The following WDR36 variants were observed in gnomAD, a reference collection of about 807,000 sequenced individuals.
The protein encoded by WDR36 is WD repeat domain 36.
Under a neutral mutation model 112.7 loss-of-function variants are expected in WDR36, and 63 were observed. The ratio of observed to expected loss-of-function variants is 0.56; its 90% CI spans 0.46 to 0.69. The LOEUF is 0.69. WDR36 is among the 30% of genes least tolerant of loss of function. The pLI is 0.00. For synonymous variants in WDR36, 410 were observed against 362.2 expected (o/e 1.13, Z -1.50); for missense variants, 1,226 against 1,070.3 (o/e 1.15, Z -2.03).
Position 111,092,390 on chromosome 5 carries a change from G to T in WDR36, c.-67G>T, listed in dbSNP as rs931881542. 1 of 1,614,236 alleles carries T rather than the reference G, an allele frequency of 6.2e-7. No individual in the cohort carries two copies. The highest frequency in any genetic ancestry group is 8.5e-7 in the Non-Finnish European group (1 of 1,180,050). On this transcript the variant is annotated 5_prime_UTR_variant, in exon 1 of 23. Coordinates refer to ENST00000513710, the MANE Select transcript of WDR36 (RefSeq NM_139281.3). ...GGCAGAGGACTGTTCCACTAGACAC[G>T]CTGAAGGGACTGGGTACGTGTTTTC...
chr5:111,100,878 A>G (rs1239539477), intron 5 of WDR36, among the ~76,000 whole-genome samples, 157 bp downstream of exon 5: 3 of 151,742 alleles, frequency 2.0e-5, no homozygotes, highest in African/African-American at 7.3e-5. Context: ...GGAGTCAATT[A>G]ACCTGGGATC....
Position 111,126,909 on chromosome 5 carries a change from CT to C in WDR36, c.*29del, listed in dbSNP as rs752059193. On this transcript the variant is annotated 3_prime_UTR_variant, in exon 23 of 23. Coordinates refer to ENST00000513710, the MANE Select transcript of WDR36 (RefSeq NM_139281.3). ...AAATAAATTTGTGACTAAACAAAGACTTTCATATTAAATGGGTTCAATTGAA... is the reference window on the plus strand; with the variant it reads ...AAATAAATTTGTGACTAAACAAAGACTTCATATTAAATGGGTTCAATTGAA... The C allele has an allele frequency of 1.3e-6, 2 of 1,561,304 alleles. No homozygotes were observed. The highest frequency in any genetic ancestry group is 3.8e-5 in the Admixed American group (2 of 53,048).
At chr5:111,095,429 G>A (rs567563660) in intron 2 of WDR36, among the ~76,000 whole-genome samples, 1 of 152,042 alleles carries the variant, frequency 6.6e-6, no homozygotes, top group Non-Finnish European at 1.5e-5. Flanking sequence ...GTATGCACTG[G>A]GACTATGTAA....
At chr5:111,119,845 C>T (rs890966416) in intron 17 of WDR36, among the ~76,000 whole-genome samples, 1 of 152,066 alleles carries the variant, frequency 6.6e-6, no homozygotes, top group African/African-American at 2.4e-5. Flanking sequence ...CATGAGGCTT[C>T]AACAGTTTAG....
At chr5:111,101,166 A>G (rs1580392513) in intron 5 of WDR36, among the ~76,000 whole-genome samples, 1 of 151,976 alleles carries the variant, frequency 6.6e-6, no homozygotes, top group South Asian at 2.1e-4. Flanking sequence ...AGATATAACT[A>G]TATGTTTGCT....
In WDR36 at chr5:111,126,976, A is replaced by C. The variant is rs114583874; in HGVS notation, c.*93A>C. On this transcript the variant is annotated 3_prime_UTR_variant, in exon 23 of 23. Coordinates refer to ENST00000513710, the MANE Select transcript of WDR36 (RefSeq NM_139281.3). Reference sequence around the variant, plus strand: ...CCAAGTGTCAATGTGAAAAGAAAATAAATGCTAGCACTACTGACTAGTCAG... The same window carrying C: ...CCAAGTGTCAATGTGAAAAGAAAATCAATGCTAGCACTACTGACTAGTCAG... 0.014 allele frequency: 17,640 copies of C among 1,255,168 alleles called. 138 individuals are homozygous for C. The highest frequency in any genetic ancestry group is 0.02 in the Middle Eastern group (72 of 3,602). The allele number at this position is 1,255,168 out of a possible 1,614,324, so 77.8% of individuals were successfully genotyped here. A position where few individuals can be genotyped will look rare whatever the true frequency, so the allele number is the denominator to read the frequency against.
chr5:111,119,120 G>T lies in WDR36; in HGVS notation c.1904G>T (p.Trp635Leu). Residue 635 changes from tryptophan to leucine, a missense_variant and splice_region_variant, in exon 17 of 23, where the codon TGG (tryptophan) becomes TTG (leucine). Coordinates refer to ENST00000513710, the MANE Select transcript of WDR36 (RefSeq NM_139281.3). The part of the protein sequence containing the change: ...SHVDHLGIYL[W>L]SNISLYSVVS... Reference sequence around the variant, plus strand: ...GTGGACCACCTTGGAATTTATCTATGGTAAGTTCTTTCATACAGTTCTGTT... The same window carrying T: ...GTGGACCACCTTGGAATTTATCTATTGTAAGTTCTTTCATACAGTTCTGTT... The T allele has an allele frequency of 6.2e-7, 1 of 1,605,060 alleles. No individual in the cohort carries two copies. Among genetic ancestry groups the T allele is most frequent in the South Asian group, 1.1e-5 (1 of 90,884 alleles).
chr5:111,102,505 C>A, intron 6 of WDR36, 106 bp downstream of exon 6: 1 of 1,080,862 alleles, frequency 9.3e-7, no homozygotes, highest in Non-Finnish European at 1.4e-6. Context: ...CAATATATAG[C>A]TTAGTTTACC....
chr5:111,128,015 T>G lies in WDR36; in HGVS notation c.*1132T>G, dbSNP rs1431623026. ...GAGTATACTTTTCTTTCACAACCATTGCAAACCCAGGTAGCCCTGGAGTTT... is the reference window on the plus strand; with the variant it reads ...GAGTATACTTTTCTTTCACAACCATGGCAAACCCAGGTAGCCCTGGAGTTT... On this transcript the variant is annotated 3_prime_UTR_variant, in exon 23 of 23. Transcript: ENST00000513710. The G allele has an allele frequency of 4.9e-6, 1 of 202,932 alleles. No individual in the cohort carries two copies. Among genetic ancestry groups the G allele is most frequent in the East Asian group, 7.5e-5 (1 of 13,392 alleles). The allele number at this position is 202,932 out of a possible 1,614,324, so 12.6% of individuals were successfully genotyped here.
At position 111,100,591 on chromosome 5, in the gene WDR36, G is replaced by A. The variant is rs1016948650; in HGVS notation, c.412G>A (p.Glu138Lys). ...LIIWHIYSEE[E>K]YLQLTFDKSV... ...ATTTATAACTTTCACTTTTGTAGAA[G>A]AATACCTGCAGTTGACTTTTGATAA... is the stretch of plus-strand genomic sequence containing the variant. Residue 138 changes from glutamate (E) to lysine (K), a missense_variant and splice_region_variant, in exon 5 of 23, where the codon GAA becomes AAA. Physicochemically the swap from Glu to Lys is moderately conservative, Grantham distance 56. Transcript: ENST00000513710. 6.4e-7 allele frequency: 1 copy of A among 1,553,398 alleles called. No individual in the cohort carries two copies. Among genetic ancestry groups the A allele is most frequent in the Non-Finnish European group, 8.8e-7 (1 of 1,139,698 alleles).
chr5:111,095,629 C>G (rs1354714741), intron 2 of WDR36, among the ~76,000 whole-genome samples: 1 of 152,150 alleles, frequency 6.6e-6, no homozygotes, highest in Non-Finnish European at 1.5e-5. Flanking sequence ...GGGAAATATT[C>G]ATTGGAACAT....
chr5:111,093,891 A>G (rs1294044134), intron 1 of WDR36, among the ~76,000 whole-genome samples: 1 of 152,194 alleles, frequency 6.6e-6, no homozygotes, highest in African/African-American at 2.4e-5. Context: ...ATGGCTTTTA[A>G]GTTCTCCTCT....
In WDR36 at chr5:111,104,732, A is replaced by G. The variant is rs753999568; in HGVS notation, c.942A>G (p.Arg314=). 50 of 1,611,300 alleles carry G rather than the reference A, an allele frequency of 3.1e-5. No individual in the cohort carries two copies. In the Middle Eastern group the frequency reaches 8.2e-4, roughly 27 times the overall value. The change falls in exon 9 of 23, where the codon CGA becomes CGG. Residue 314 remains arginine (R), a synonymous_variant. Coordinates refer to ENST00000513710, the MANE Select transcript of WDR36 (RefSeq NM_139281.3). ...WIFDGPTGEG[R]LLRFRMGHSA... is the part of the protein sequence containing the mutation. ...TTGATGGTCCTACAGGTGAAGGCCG[A>G]CTTTTGAGATTCAGAATGGGTCATA...
At chr5:111,107,895 G>A (rs189064265) in intron 12 of WDR36, among the ~76,000 whole-genome samples, 2 of 151,270 alleles carry the variant, frequency 1.3e-5, no homozygotes, top group African/African-American at 4.8e-5. Flanking sequence ...TAGCTTTGTG[G>A]TAAGTTTTGA....
chr5:111,102,591 C>T (rs1166369431), intron 6 of WDR36, among the ~76,000 whole-genome samples, 192 bp downstream of exon 6: 13 of 151,716 alleles, frequency 8.6e-5, no homozygotes, highest in Non-Finnish European at 1.9e-4. Context: ...TTGCCAATAA[C>T]ACTTATTGGA....
Position 111,129,243 on chromosome 5 carries a change from C to G in WDR36, c.*2360C>G, listed in dbSNP as rs140507387. The G allele has an allele frequency of 2.8e-3, 547 of 196,468 alleles. 2 individuals carry two copies. Among genetic ancestry groups the G allele is most frequent in the African/African-American group, 0.012 (518 of 43,414 alleles). The allele number at this position is 196,468 out of a possible 1,614,324, so 12.2% of individuals were successfully genotyped here. On this transcript the variant is annotated 3_prime_UTR_variant, in exon 23 of 23. Coordinates refer to ENST00000513710, the MANE Select transcript of WDR36 (RefSeq NM_139281.3). ...GAGCCCTTTTTGTACATATAAGGCT[C>G]TCTCTGTGGTATATGCTTAGGATTT...
rs1246390183 is a variant in WDR36 at position 111,095,150 on chromosome 5, A to C, written c.190+203A>C. 8.9e-6 allele frequency: 5 copies of C among 559,848 alleles called. No homozygotes were observed. In the Admixed American group the frequency reaches 1.6e-4, roughly 18 times the overall value. The allele number at this position is 559,848 out of a possible 1,614,324, so 34.7% of individuals were successfully genotyped here. A position where few individuals can be genotyped will look rare whatever the true frequency, so the allele number is the denominator to read the frequency against. ...TGTATCTTTATTTTCTTTAATCTGG[A>C]ACTGTTCTTTAGACTTTCTTTGTGC... On this transcript the variant is annotated intron_variant, in intron 2 of 22. Coordinates refer to ENST00000513710, the MANE Select transcript of WDR36 (RefSeq NM_139281.3).
chr5:111,126,107 A>C lies in WDR36; in HGVS notation c.2538+312A>C, dbSNP rs138460051. Among the ~76,000 whole-genome samples the C allele has an allele frequency of 7.8e-4, 118 of 152,144 alleles. 1 individual carries two copies. The highest frequency in any genetic ancestry group is 2.7e-3 in the African/African-American group (113 of 41,526). On this transcript the variant is annotated intron_variant, in intron 22 of 22. Transcript: ENST00000513710. ...TTTACTCAACTGCACAATAATTTTG[A>C]CTTTACCCCCTGACATTTTTATGCT...
rs568551654 is a variant in WDR36, at chr5:111,094,757, A to T, written c.163-163A>T. Among the ~76,000 whole-genome samples, 13 of 152,264 alleles carry T rather than the reference A, an allele frequency of 8.5e-5. No homozygotes were observed. In the South Asian group the frequency reaches 2.5e-3, roughly 29 times the overall value. ...CCACTCCTGGTGAAATACAGTTGAAAATATAAACTTTCCTAATAAAGAAAA... is the reference window on the plus strand; with the variant it reads ...CCACTCCTGGTGAAATACAGTTGAATATATAAACTTTCCTAATAAAGAAAA... On this transcript the variant is annotated intron_variant, in intron 1 of 22. Coordinates refer to ENST00000513710, the MANE Select transcript of WDR36 (RefSeq NM_139281.3).
Sources: gnomAD v4.1 joint callset for allele counts (sites outside exome capture counted in the v4.1 genomes callset) on GRCh38, gnomAD v4.1.1 for gene constraint, MANE v1.5 for transcripts, NCBI Gene and HGNC (gene_info 2026-07-23, HGNC 2026-07-21) for gene names.